The following DYTN variants were observed in gnomAD, a reference collection of about 807,000 sequenced individuals.
DYTN encodes dystrotelin.
Under a neutral mutation model 69.6 loss-of-function variants are expected in DYTN, and 75 were observed. The observed-to-expected ratio is 1.08, with a 90% CI of 0.89 to 1.31. DYTN has a LOEUF of 1.31. Among genes scored for constraint, DYTN ranks in the 50% most tolerant of loss-of-function variants. The pLI, the probability that DYTN is intolerant of heterozygous loss-of-function variation, is 0.00. For synonymous variants in DYTN, 252 were observed against 249.1 expected (o/e 1.01, Z -0.11); for missense variants, 726 against 688.4 (o/e 1.05, Z -0.61).
In DYTN at chr2:206,710,474, G is replaced by A. The variant is rs368214018; in HGVS notation, c.94+50C>T. Reference sequence around the variant, plus strand: ...TTGTTTTCTCTATGAATTTTACATCGCACATCAAGCTCAGATTATTTCAAA... The same window carrying A: ...TTGTTTTCTCTATGAATTTTACATCACACATCAAGCTCAGATTATTTCAAA... On this transcript the variant is annotated intron_variant, in intron 2 of 11. Transcript: ENST00000452335. 1.2e-4 allele frequency: 186 copies of A among 1,524,580 alleles called. No individual in the cohort carries two copies. The African/African-American group carries it at 1.7e-3, about 14-fold the overall frequency. 94.4% of individuals were successfully genotyped at this position (1,524,580 alleles called of 1,614,324 possible). A position where few individuals can be genotyped will look rare whatever the true frequency, so the allele number is the denominator to read the frequency against.
At chr2:206,673,009 G>A (rs193073707) in intron 9 of DYTN, among the ~76,000 whole-genome samples, 178 of 152,274 alleles carry the variant, frequency 1.2e-3, no homozygotes, top group Admixed American at 4.1e-3. Context: ...GGGGGTTGCT[G>A]TACAGATTAT....
rs747213322 is a variant in DYTN at position 206,718,256 on chromosome 2, C to T, written c.19+5G>A. 1 of 1,596,154 alleles carries T rather than the reference C, an allele frequency of 6.3e-7. No individual in the cohort carries two copies. Among genetic ancestry groups the T allele is most frequent in the South Asian group, 1.1e-5 (1 of 87,878 alleles). ...TATGCTCAGAAACTTGACAATAATA[C>T]TCACCTTGTTTATCTGGATCCATTT... On this transcript the variant is annotated splice_donor_5th_base_variant and intron_variant, in intron 1 of 11. Coordinates refer to ENST00000452335, the MANE Select transcript of DYTN (RefSeq NM_001093730.1).
chr2:206,716,838 G>A (rs1234245478), intron 1 of DYTN, among the ~76,000 whole-genome samples: 1 of 152,048 alleles, frequency 6.6e-6, no homozygotes, highest in South Asian at 2.1e-4. Flanking sequence ...GCTCTTGGTA[G>A]AGGAGCGACT....
At chr2:206,707,232 C>G in intron 3 of DYTN, 70 bp downstream of exon 3, 1 of 1,537,368 alleles carries the variant, frequency 6.5e-7, no homozygotes, top group Non-Finnish European at 8.8e-7. Flanking sequence ...TTAGCCAGCA[C>G]CAAATGGTAA....
chr2:206,656,013 T>A (rs28799892), intron 11 of DYTN, among the ~76,000 whole-genome samples: 1 of 152,028 alleles, frequency 6.6e-6, no homozygotes, highest in South Asian at 2.1e-4. Flanking sequence ...GGTTTACTGT[T>A]TTCAAGTCTA....
chr2:206,679,610 A>G (rs1052921626), intron 9 of DYTN, among the ~76,000 whole-genome samples: 1 of 152,244 alleles, frequency 6.6e-6, no homozygotes, highest in Non-Finnish European at 1.5e-5. Flanking sequence ...TTTAAAAACT[A>G]TTTTTAAACA....
intron 9 of DYTN, chr2:206,670,489 A>G (rs1699618539): frequency 6.6e-6 from 1 of 152,044 alleles, no homozygotes; most frequent in Non-Finnish European, 1.5e-5. Context: ...TGTGGCTCCT[A>G]TCTTCTTTCT....
intron 2 of DYTN, 84 bp downstream of exon 2, chr2:206,710,440 G>GGGGA: frequency 7.8e-7 from 1 of 1,276,082 alleles, no homozygotes; most frequent in Non-Finnish European, 1.1e-6. Flanking sequence ...AGCTGCATGG[G>GGGGA]GGGAGTGTTT....
chr2:206,689,607 A>G (rs1259062169), intron 9 of DYTN, among the ~76,000 whole-genome samples: 1 of 152,184 alleles, frequency 6.6e-6, no homozygotes, highest in East Asian at 1.9e-4. Context: ...CTCCAGAAAT[A>G]CTACTCTGGG....
chr2:206,682,228 C>T (rs1388060764), intron 9 of DYTN, among the ~76,000 whole-genome samples: 1 of 152,020 alleles, frequency 6.6e-6, no homozygotes, highest in African/African-American at 2.4e-5. Context: ...AGTGTATTCC[C>T]TTTCTCATCT....
At chr2:206,675,115 A>ATATATGTGTGTGTG (rs1553573104) in intron 9 of DYTN, among the ~76,000 whole-genome samples, 1 of 131,534 alleles carries the variant, frequency 7.6e-6, no homozygotes, top group African/African-American at 2.9e-5. Flanking sequence ...ATATATATAT[A>ATATATGTGTGTGTG]TGTGTGTGTG....
At chr2:206,667,760 T>C (rs1699589623) in intron 9 of DYTN, among the ~76,000 whole-genome samples, 2 of 151,842 alleles carry the variant, frequency 1.3e-5, no homozygotes, top group Non-Finnish European at 2.9e-5. Context: ...AGGCCTAAAA[T>C]AGTTCCTGTC....
At chr2:206,677,242 C>T (rs1699700493) in intron 9 of DYTN, among the ~76,000 whole-genome samples, 1 of 152,058 alleles carries the variant, frequency 6.6e-6, no homozygotes. Context: ...GCCACTGCAC[C>T]CAAGCATGTA....
chr2:206,680,760 TCCCACCC>T (rs1233980447), intron 9 of DYTN, among the ~76,000 whole-genome samples: 2 of 152,166 alleles, frequency 1.3e-5, no homozygotes, highest in African/African-American at 4.8e-5. Flanking sequence ...TCTACATGTA[TCCCACCC>T]CCTCTTTGCT....
At chr2:206,655,105 T>C (rs1171647784) in intron 11 of DYTN, among the ~76,000 whole-genome samples, 1 of 152,190 alleles carries the variant, frequency 6.6e-6, no homozygotes, top group Non-Finnish European at 1.5e-5. Flanking sequence ...AGGAATATGA[T>C]GTTAGCTGTG....
chr2:206,683,345 T>C (rs867213663), intron 9 of DYTN, among the ~76,000 whole-genome samples: 1,546 of 94,922 alleles, frequency 0.016, 32 homozygotes, highest in African/African-American at 0.073. Flanking sequence ...TTTTCTTTTT[T>C]TTTTTTTTTT....
In DYTN at chr2:206,663,072, C is replaced by T. The variant is rs1699530510; in HGVS notation, c.1464G>A (p.Lys488=). The part of the protein sequence containing the change: ...SALPSYQEGL[K]QDIPKMVPAE... Reference sequence around the variant, plus strand: ...CAGGAACCATTTTGGGGATGTCCTGCTTCAGTCCCTCCTGATAACTGGGTA... The same window carrying T: ...CAGGAACCATTTTGGGGATGTCCTGTTTCAGTCCCTCCTGATAACTGGGTA... The change falls in exon 11 of 12, where the codon AAG becomes AAA. Residue 488 remains lysine (K), a synonymous_variant. Coordinates refer to ENST00000452335, the MANE Select transcript of DYTN (RefSeq NM_001093730.1). 1 of 1,613,904 alleles carries T rather than the reference C, an allele frequency of 6.2e-7. No individual in the cohort carries two copies. The highest frequency in any genetic ancestry group is 8.5e-7 in the Non-Finnish European group (1 of 1,179,872).
At chr2:206,714,047 A>G (rs1054880341) in intron 1 of DYTN, among the ~76,000 whole-genome samples, 10 of 152,188 alleles carry the variant, frequency 6.6e-5, no homozygotes, top group Admixed American at 1.3e-4. Flanking sequence ...TGGCAAGGTC[A>G]TTTGTGGTGA....
At chr2:206,669,188 CT>C (rs1259279186) in intron 9 of DYTN, among the ~76,000 whole-genome samples, 1 of 152,206 alleles carries the variant, frequency 6.6e-6, no homozygotes, top group East Asian at 1.9e-4. Flanking sequence ...ACATAATTGA[CT>C]ATCAGTGAAC....
Sources: allele counts gnomAD v4.1 joint callset (sites outside exome capture counted in the v4.1 genomes callset), GRCh38; gene constraint gnomAD v4.1.1; transcripts MANE v1.5; gene names NCBI Gene and HGNC (gene_info 2026-07-23, HGNC 2026-07-21).